ZNF136: variants seen among roughly 807,000 people sequenced by gnomAD.
ZNF136 encodes zinc finger protein 136 (clone pHZ-20).
Under a neutral mutation model 11.4 loss-of-function variants are expected in ZNF136, and 8 were observed. That is an observed-to-expected ratio of 0.70 (90% CI 0.41 to 1.27). The LOEUF (loss-of-function observed/expected upper bound fraction) is 1.27. Among genes scored for constraint, ZNF136 ranks in the 50% most tolerant of loss-of-function variants. ZNF136 has a pLI of 0.01. For missense variants in ZNF136, 590 were observed against 656.5 expected, an observed-to-expected ratio of 0.90 and a Z score of 1.11; for synonymous variants, 190 against 207.1, an observed-to-expected ratio of 0.92 and a Z score of 0.71.
intron 1 of ZNF136, 70 bp downstream of exon 1, chr19:12,163,276 G>T: frequency 1.5e-6 from 2 of 1,341,650 alleles, no homozygotes; most frequent in Non-Finnish European, 1.9e-6. Flanking sequence ...ACTGGCTGTG[G>T]CGCGGCCCGG....
At position 12,163,224 on chromosome 19, in the gene ZNF136, T is replaced by C; in HGVS notation, c.3+18T>C. On this transcript the variant is annotated intron_variant, in intron 1 of 3. Coordinates refer to ENST00000343979, the MANE Select transcript of ZNF136 (RefSeq NM_003437.5). ...AGGAAATGGTGAGTGTGTCGGGCCC[T>C]GCGTCCCGAGACAGGGAGGAGGGGC... 1 of 1,382,116 alleles carries C rather than the reference T, an allele frequency of 7.2e-7. No homozygotes were observed. Among genetic ancestry groups the C allele is most frequent in the Non-Finnish European group, 9.4e-7 (1 of 1,058,430 alleles). The allele number at this position is 1,382,116 out of a possible 1,614,324, so 85.6% of individuals were successfully genotyped here.
chr19:12,189,220 TAA>T lies in ZNF136; in HGVS notation c.*1220_*1221del, dbSNP rs1915195206. On this transcript the variant is annotated 3_prime_UTR_variant, in exon 4 of 4. Coordinates refer to ENST00000343979, the MANE Select transcript of ZNF136 (RefSeq NM_003437.5). ...TCTGTGATTGAGGACCACTGAAAAA[TAA>T]GTCTTAATAAATGTTGGTATGAACC... The T allele has an allele frequency of 6.6e-6, 1 of 152,244 alleles. No homozygotes were observed. Among genetic ancestry groups the T allele is most frequent in the Admixed American group, 6.5e-5 (1 of 15,280 alleles). 9.4% of individuals were successfully genotyped at this position (152,244 alleles called of 1,614,324 possible).
At chr19:12,173,484 A>G (rs1377633878) in intron 1 of ZNF136, among the ~76,000 whole-genome samples, 1 of 152,004 alleles carries the variant, frequency 6.6e-6, no homozygotes, top group African/African-American at 2.4e-5. Flanking sequence ...TTATAATAGG[A>G]AGGTGATCAA....
At chr19:12,172,839 CTG>C (rs1914694773) in intron 1 of ZNF136, among the ~76,000 whole-genome samples, 1 of 152,110 alleles carries the variant, frequency 6.6e-6, no homozygotes, top group Admixed American at 6.6e-5. Flanking sequence ...TGGCGAAACC[CTG>C]TCTCTACTAA....
intron 1 of ZNF136, among the ~76,000 whole-genome samples, chr19:12,168,457 C>A (rs888969512): frequency 1.3e-5 from 2 of 152,014 alleles, no homozygotes; most frequent in Non-Finnish European, 2.9e-5. Context: ...TGAAGACATT[C>A]GGAGAGCTTC....
chr19:12,185,285 CG>C (rs1348463699), intron 1 of ZNF136: 2 of 152,268 alleles, frequency 1.3e-5, no homozygotes, highest in Middle Eastern at 3.2e-3. Flanking sequence ...CTGTTCTTGT[CG>C]TCTGCTGGTT....
At position 12,187,002 on chromosome 19, in the gene ZNF136, C is replaced by A; in HGVS notation, c.624C>A (p.Pro208=). The change falls in exon 4 of 4, where the codon CCC becomes CCA. Residue 208 remains proline (P), a synonymous_variant. Transcript: ENST00000343979. Reference sequence around the variant, plus strand: ...TGTGTGGGAAAGCTTTTGATTATCCCAGTAGATTTCGAACACATGAAAGAA... The same window carrying A: ...TGTGTGGGAAAGCTTTTGATTATCCAAGTAGATTTCGAACACATGAAAGAA... The part of the protein sequence containing the change: ...CKVCGKAFDY[P]SRFRTHERSH... 6.2e-7 allele frequency: 1 copy of A among 1,614,042 alleles called. No individual in the cohort carries two copies. Among genetic ancestry groups the A allele is most frequent in the Non-Finnish European group, 8.5e-7 (1 of 1,180,002 alleles).
chr19:12,185,951 G>A (rs1450204918), intron 2 of ZNF136, 40 bp downstream of exon 2: 2 of 1,610,384 alleles, frequency 1.2e-6, no homozygotes, highest in Admixed American at 3.4e-5. Context: ...AATTAAAGAA[G>A]AAGTGCTTCT....
intron 1 of ZNF136, among the ~76,000 whole-genome samples, chr19:12,183,147 G>GTT (rs200576697): frequency 1.3e-4 from 19 of 149,420 alleles, no homozygotes; most frequent in African/African-American, 4.4e-4. Context: ...TTGTTGTTTT[G>GTT]TTTTTTTTTG....
At chr19:12,166,901 C>T (rs1007825252) in intron 1 of ZNF136, among the ~76,000 whole-genome samples, 2 of 152,068 alleles carry the variant, frequency 1.3e-5, no homozygotes, top group East Asian at 3.9e-4. Flanking sequence ...CTGAGGCCAG[C>T]GACTCCAAAC....
intron 1 of ZNF136, among the ~76,000 whole-genome samples, chr19:12,164,266 A>G (rs1770394701): frequency 6.6e-6 from 1 of 152,050 alleles, no homozygotes; most frequent in Admixed American, 6.6e-5. Flanking sequence ...TTGAGGATTG[A>G]GAAAAGAAAA....
intron 1 of ZNF136, among the ~76,000 whole-genome samples, chr19:12,179,853 A>G (rs1030108897): frequency 6.6e-6 from 1 of 152,146 alleles, no homozygotes; most frequent in Non-Finnish European, 1.5e-5. Context: ...TGAAATATAT[A>G]AATTCTAACT....
chr19:12,165,149 A>G (rs998566828), intron 1 of ZNF136, among the ~76,000 whole-genome samples: 2 of 152,200 alleles, frequency 1.3e-5, no homozygotes, highest in East Asian at 1.9e-4. Flanking sequence ...GAGAAAAACT[A>G]TCTCAGCGAG....
rs199848351 is a variant in ZNF136 at position 12,187,925 on chromosome 19, G to C, written c.1547G>C (p.Arg516Pro). The C allele has an allele frequency of 6.4e-7, 1 of 1,572,984 alleles. No individual in the cohort carries two copies. Among genetic ancestry groups the C allele is most frequent in the Non-Finnish European group, 8.6e-7 (1 of 1,165,792 alleles). ...GAATGTGGGAAAGCCTATTCTTGCC[G>C]TGCCAGCTTTCAGAGACACATGTTA... ...CKECGKAYSC[R>P]ASFQRHMLTH... Residue 516 changes from arginine (R) to proline (P), a missense_variant, in exon 4 of 4, where the codon CGT becomes CCT. Transcript: ENST00000343979.
intron 1 of ZNF136, among the ~76,000 whole-genome samples, chr19:12,182,419 G>A (rs1199055298): frequency 1.3e-5 from 2 of 152,232 alleles, no homozygotes; most frequent in Non-Finnish European, 2.9e-5. Context: ...CATGTCTCTT[G>A]GAGGGTCTAG....
At chr19:12,180,341 C>T (rs924634893) in intron 1 of ZNF136, among the ~76,000 whole-genome samples, 8 of 152,134 alleles carry the variant, frequency 5.3e-5, no homozygotes, top group Non-Finnish European at 1.2e-4. Flanking sequence ...CCTCATATGC[C>T]AGAACTGTAG....
intron 1 of ZNF136, among the ~76,000 whole-genome samples, chr19:12,163,974 A>G (rs1004475722): frequency 6.6e-6 from 1 of 151,460 alleles, no homozygotes; most frequent in Non-Finnish European, 1.5e-5. Flanking sequence ...GCCCCCTCCT[A>G]TTTATTTTTT....
rs192082629 is a variant in ZNF136, at chr19:12,175,356, G to A, written c.4-10429G>A. Among the ~76,000 whole-genome samples, 236 of 151,980 alleles carry A rather than the reference G, an allele frequency of 1.6e-3. 2 individuals are homozygous for A. The East Asian group carries it at 0.029, about 19-fold the overall frequency. On this transcript the variant is annotated intron_variant, in intron 1 of 3. Transcript: ENST00000343979. ...ATTACAGGCCTGCATCATCACACCT[G>A]GCTAATTTTTGTATTTTTAGTAGAG...
chr19:12,168,993 T>G (rs1483963033), intron 1 of ZNF136, among the ~76,000 whole-genome samples: 1 of 152,186 alleles, frequency 6.6e-6, no homozygotes, highest in Non-Finnish European at 1.5e-5. Context: ...ACTTGTGTTT[T>G]TCTGAGTTCT....
Sources: allele counts gnomAD v4.1 joint callset (sites outside exome capture counted in the v4.1 genomes callset), GRCh38; gene constraint gnomAD v4.1.1; transcripts MANE v1.5; gene names NCBI Gene and HGNC (gene_info 2026-07-23, HGNC 2026-07-21).